Variants in TLCD4 observed in about 807,000 individuals in gnomAD.
TLCD4 encodes TLC domain containing 4.
Under a neutral mutation model 24.2 loss-of-function variants are expected in TLCD4, and 7 were observed. The observed-to-expected ratio is 0.29, with a 90% CI of 0.16 to 0.54. The LOEUF (loss-of-function observed/expected upper bound fraction) is 0.54. Among genes scored for constraint, TLCD4 ranks in the 20% least tolerant of loss-of-function variants. The pLI is 0.95. For synonymous variants in TLCD4, 103 were observed against 106.4 expected (o/e 0.97, Z 0.20); for missense variants, 259 against 313.9 (o/e 0.82, Z 1.32).
intron 5 of TLCD4, among the ~76,000 whole-genome samples, chr1:95,167,344 A>G (rs374775621): frequency 3.3e-5 from 5 of 152,248 alleles, no homozygotes; most frequent in African/African-American, 1.2e-4. Flanking sequence ...CTTAATTATA[A>G]TAATAATTTG....
At chr1:95,135,242 C>T (rs1396796627) in intron 1 of TLCD4, among the ~76,000 whole-genome samples, 2 of 152,166 alleles carry the variant, frequency 1.3e-5, no homozygotes, top group African/African-American at 4.8e-5. Flanking sequence ...AGGGCCCCTG[C>T]CTTCTGCAGA....
rs376698727 is a variant in TLCD4, at chr1:95,160,215, C to T, written c.399+8796C>T. 4.6e-5 allele frequency among the ~76,000 whole-genome samples: 7 copies of T among 152,218 alleles called. No homozygotes were observed. In the East Asian group the frequency reaches 1.2e-3, roughly 25 times the overall value. On this transcript the variant is annotated intron_variant, in intron 5 of 6. Transcript: ENST00000370203. ...GGTTTGTAGTTCTCCTTGAAGAGGT[C>T]CTTCACATCCCTTGTAAGTTGGATT...
rs202219244 is a variant in TLCD4, at chr1:95,152,468, CT to C, written c.399+1056del. Among the ~76,000 whole-genome samples the C allele has an allele frequency of 4.8e-3, 732 of 152,018 alleles. 2 individuals are homozygous for C. The highest frequency in any genetic ancestry group is 0.01 in the Middle Eastern group (3 of 294). On this transcript the variant is annotated intron_variant, in intron 5 of 6. Coordinates refer to ENST00000370203, the MANE Select transcript of TLCD4 (RefSeq NM_152487.3). ...AACCATTTAAGCTGTTTGCAGTAAG[CT>C]TTTTTTCTTAAATGATTTTGTTATT... is the stretch of plus-strand genomic sequence containing the variant.
rs143968465 is a variant in TLCD4 at position 95,176,346 on chromosome 1, C to T, written c.473+2457C>T. ...AGCTAGAATTACAGGCATACACCACCATGCCCAGCTAATTTTGTATTTTTC... is the reference window on the plus strand; with the variant it reads ...AGCTAGAATTACAGGCATACACCACTATGCCCAGCTAATTTTGTATTTTTC... On this transcript the variant is annotated intron_variant, in intron 6 of 6. Coordinates refer to ENST00000370203, the MANE Select transcript of TLCD4 (RefSeq NM_152487.3). Among the ~76,000 whole-genome samples, 439 of 151,812 alleles carry T rather than the reference C, an allele frequency of 2.9e-3. 13 individuals carry two copies. The East Asian group carries it at 0.06, about 21-fold the overall frequency.
chr1:95,176,829 T>C (rs1189413787), intron 6 of TLCD4, among the ~76,000 whole-genome samples: 1 of 152,226 alleles, frequency 6.6e-6, no homozygotes, highest in African/African-American at 2.4e-5. Context: ...ATATATGGTA[T>C]AGGGGTCCAA....
intron 6 of TLCD4, among the ~76,000 whole-genome samples, chr1:95,175,956 TG>T (rs58476345): frequency 0.21 from 31,714 of 151,632 alleles, 3,394 homozygotes; most frequent in Admixed American, 0.25. Context: ...TTGTATTTTT[TG>T]TAGAGAAGGA....
intron 1 of TLCD4, among the ~76,000 whole-genome samples, chr1:95,133,749 G>C (rs1477002622): frequency 6.6e-6 from 1 of 151,826 alleles, no homozygotes; most frequent in African/African-American, 2.4e-5. Context: ...GCAGTGTTGA[G>C]GGCTGTCTGA....
At chr1:95,150,540 A>T (rs897800669) in intron 4 of TLCD4, among the ~76,000 whole-genome samples, 7 of 152,108 alleles carry the variant, frequency 4.6e-5, no homozygotes, top group African/African-American at 1.7e-4. Context: ...CTTTGTCCTA[A>T]TGAGGCTCTT....
chr1:95,103,849 G>A, the TLCD4 span, among the ~76,000 whole-genome samples: 48 of 152,216 alleles, frequency 3.2e-4, no homozygotes, highest in Non-Finnish European at 5.3e-4. Context: ...TTTGTTAAAC[G>A]AATTAATAAT....
rs1002654425 is a variant in TLCD4 at position 95,123,211 on chromosome 1, T to G, written c.-12+5594T>G. ...ATTTAATTAAATGCTTTGTAATTTG[T>G]TACATGTAAGGACTTATAAAGACTA... On this transcript the variant is annotated intron_variant, in intron 1 of 6. Coordinates refer to ENST00000370203, the MANE Select transcript of TLCD4 (RefSeq NM_152487.3). Among the ~76,000 whole-genome samples the G allele has an allele frequency of 1.3e-5, 2 of 152,218 alleles. 1 individual carries two copies. Among genetic ancestry groups the G allele is most frequent in the Non-Finnish European group, 2.9e-5 (2 of 68,040 alleles).
intron 5 of TLCD4, among the ~76,000 whole-genome samples, chr1:95,159,165 A>G (rs1677713159): frequency 6.6e-6 from 1 of 152,080 alleles, no homozygotes; most frequent in East Asian, 1.9e-4. Flanking sequence ...CCTCTCCAGC[A>G]CCTGTTGTTT....
At chr1:95,142,740 A>G (rs1233883773) in intron 1 of TLCD4, among the ~76,000 whole-genome samples, 1 of 152,248 alleles carries the variant, frequency 6.6e-6, no homozygotes, top group Admixed American at 6.5e-5. Flanking sequence ...TCACGAGGTC[A>G]GGAGTTCAAG....
intron 5 of TLCD4, among the ~76,000 whole-genome samples, chr1:95,161,181 G>A (rs1184792966): frequency 2.6e-5 from 4 of 152,084 alleles, no homozygotes; most frequent in Non-Finnish European, 5.9e-5. Context: ...CAATTTCAGA[G>A]CCTGTTATTG....
At chr1:95,137,781 C>T (rs1036744500) in intron 1 of TLCD4, among the ~76,000 whole-genome samples, 1 of 151,662 alleles carries the variant, frequency 6.6e-6, no homozygotes, top group South Asian at 2.1e-4. Flanking sequence ...GTCACCCAGG[C>T]CTGAGTGCCC....
At chr1:95,101,384 G>A in the TLCD4 span, among the ~76,000 whole-genome samples, 2 of 151,396 alleles carry the variant, frequency 1.3e-5, no homozygotes, top group African/African-American at 2.4e-5. Flanking sequence ...GACTACAGGT[G>A]CGTGCCATTG....
intron 2 of TLCD4, among the ~76,000 whole-genome samples, chr1:95,145,155 C>T (rs563131734): frequency 2.2e-4 from 33 of 152,242 alleles, no homozygotes; most frequent in Admixed American, 1.0e-3. Flanking sequence ...TCAGAGCAGC[C>T]GTGGCCTTAT....
intron 6 of TLCD4, among the ~76,000 whole-genome samples, chr1:95,183,096 G>T (rs1317889659): frequency 6.6e-6 from 1 of 152,170 alleles, no homozygotes; most frequent in Non-Finnish European, 1.5e-5. Flanking sequence ...TTTGATATTT[G>T]TAGGATAGAT....
intron 5 of TLCD4, among the ~76,000 whole-genome samples, chr1:95,155,405 G>A (rs1434500169): frequency 6.6e-6 from 1 of 152,042 alleles, no homozygotes; most frequent in Non-Finnish European, 1.5e-5. Context: ...TAAATAACTT[G>A]TGAGTTTTGC....
the TLCD4 span, among the ~76,000 whole-genome samples, chr1:95,107,618 G>A: frequency 6.6e-6 from 1 of 152,038 alleles, no homozygotes; most frequent in African/African-American, 2.4e-5. Context: ...GTTGTATTTA[G>A]CTATAAGGTC....
Sources: allele counts gnomAD v4.1 joint callset (sites outside exome capture counted in the v4.1 genomes callset), GRCh38; gene constraint gnomAD v4.1.1; transcripts MANE v1.5; gene names NCBI Gene and HGNC (gene_info 2026-07-23, HGNC 2026-07-21).